CFAP47: variants seen among roughly 807,000 people sequenced by gnomAD.
CFAP47 encodes cilia and flagella associated protein 47.
CFAP47 carries 29 observed loss-of-function variants against 148.1 expected under a neutral mutation model. The observed-to-expected ratio is 0.20, with a 90% CI of 0.15 to 0.27. The LOEUF (loss-of-function observed/expected upper bound fraction) is 0.27. Ranked by LOEUF, CFAP47 falls within the 10% of genes least tolerant of loss-of-function variation. The pLI is 1.00. For missense variants in CFAP47, 1,872 were observed against 1,697.5 expected (o/e 1.10, Z -1.81); for synonymous variants, 664 against 577.3 (o/e 1.15, Z -2.15).
chrX:35,953,519 G>T, intron 6 of CFAP47, 73 bp from the exon 7 acceptor site: 1 of 772,107 alleles, frequency 1.3e-6, no homozygotes, highest in South Asian at 3.4e-5. Context: ...AGATTGGATT[G>T]ATATTTCCTC....
chrX:36,052,239 A>G (rs1243049722), intron 26 of CFAP47, among the ~76,000 whole-genome samples: 9 of 112,048 alleles, frequency 8.0e-5, no homozygotes, highest in African/African-American at 2.3e-4. Context: ...ACTCAAAGCC[A>G]ATAAAAATTG....
chrX:36,255,113 A>G (rs1940734776), intron 49 of CFAP47, among the ~76,000 whole-genome samples: 1 of 111,997 alleles, frequency 8.9e-6, no homozygotes, highest in Admixed American at 9.5e-5. Flanking sequence ...CTGTTTGGCC[A>G]TGGAACCAAA....
chrX:35,975,995 T>C, intron 15 of CFAP47, 82 bp downstream of exon 15: 9 of 948,315 alleles, frequency 9.5e-6, no homozygotes, highest in Non-Finnish European at 1.3e-5. Context: ...TTATTGAGTG[T>C]GTACTGTGTA....
chrX:36,006,264 T>A (rs957028175), intron 21 of CFAP47, among the ~76,000 whole-genome samples: 2 of 110,827 alleles, frequency 1.8e-5, no homozygotes, highest in Admixed American at 9.7e-5. Flanking sequence ...TTAAAATTAA[T>A]TATATATATT....
At chrX:35,923,866 C>T (rs1207801632) in intron 1 of CFAP47, among the ~76,000 whole-genome samples, 2 of 92,022 alleles carry the variant, frequency 2.2e-5, no homozygotes, top group Admixed American at 2.4e-4. Flanking sequence ...TATATATGTA[C>T]ATATATGTAT....
intron 22 of CFAP47, among the ~76,000 whole-genome samples, chrX:36,022,832 GTTAATCTTA>G (rs1163925931): frequency 9.0e-6 from 1 of 111,176 alleles, no homozygotes; most frequent in Admixed American, 9.6e-5. Context: ...CCGTCTCTTT[GTTAATCTTA>G]TCTATAGAAT....
At chrX:36,181,579 T>C (rs983613709) in intron 40 of CFAP47, among the ~76,000 whole-genome samples, 1 of 111,706 alleles carries the variant, frequency 9.0e-6, no homozygotes, top group Non-Finnish European at 1.9e-5. Flanking sequence ...TATACTTCCT[T>C]AGTTCTTCTC....
chrX:36,372,788 T>C (rs1172451850), intron 62 of CFAP47, among the ~76,000 whole-genome samples: 12 of 112,157 alleles, frequency 1.1e-4, no homozygotes, highest in African/African-American at 3.9e-4. Flanking sequence ...AGTATAGATA[T>C]TGAGGTTTCC....
At chrX:36,096,009 A>T (rs1938269944) in intron 30 of CFAP47, among the ~76,000 whole-genome samples, 1 of 110,958 alleles carries the variant, frequency 9.0e-6, no homozygotes, top group East Asian at 2.8e-4. Context: ...CTTCCCTCTT[A>T]GTACTGCTTT....
intron 35 of CFAP47, 75 bp downstream of exon 35, chrX:36,138,539 G>T: frequency 9.8e-7 from 1 of 1,022,231 alleles, no homozygotes; most frequent in Non-Finnish European, 1.3e-6. Flanking sequence ...TTATAATATT[G>T]CTTTGTTCAT....
chrX:35,924,039 ATG>A (rs200552311), intron 1 of CFAP47, among the ~76,000 whole-genome samples: 2 of 95,451 alleles, frequency 2.1e-5, no homozygotes, highest in Non-Finnish European at 4.0e-5. Flanking sequence ...ATGCACATAT[ATG>A]TGTATATGTA....
chrX:36,011,138 T>C (rs1244463288), intron 21 of CFAP47, among the ~76,000 whole-genome samples: 1 of 112,191 alleles, frequency 8.9e-6, no homozygotes, highest in Non-Finnish European at 1.9e-5. Flanking sequence ...GAAGTGTCTG[T>C]TCCTTTAGCT....
At chrX:36,170,731 A>C (rs754308347) in intron 39 of CFAP47, among the ~76,000 whole-genome samples, 2 of 107,047 alleles carry the variant, frequency 1.9e-5, no homozygotes, top group East Asian at 5.8e-4. Flanking sequence ...AGTCTTTGCT[A>C]TTGTGAATAA....
chrX:35,948,296 T>C lies in CFAP47; in HGVS notation c.518-18T>C. On this transcript the variant is annotated intron_variant, in intron 3 of 63. Coordinates refer to ENST00000378653, the MANE Select transcript of CFAP47 (RefSeq NM_001304548.2). The stretch of plus-strand genomic sequence containing the variant: ...TGTAAGGGTCCAGATGTAAATCAAC[T>C]GCTCTTATTCCCTATAGGCATATTT... 8.4e-7 allele frequency: 1 copy of C among 1,186,810 alleles called. No homozygotes were observed. Among genetic ancestry groups the C allele is most frequent in the Non-Finnish European group, 1.1e-6 (1 of 877,635 alleles).
At chrX:36,117,428 CT>C (rs1938660887) in intron 33 of CFAP47, among the ~76,000 whole-genome samples, 1 of 111,972 alleles carries the variant, frequency 8.9e-6, no homozygotes, top group Admixed American at 9.5e-5. Flanking sequence ...TAGAATCTGA[CT>C]TTTGGATAAA....
In CFAP47 at chrX:35,973,853, C is replaced by T. The variant is rs187469411; in HGVS notation, c.2255-1294C>T. 4.1e-4 allele frequency among the ~76,000 whole-genome samples: 46 copies of T among 112,562 alleles called. No homozygotes were observed. In the East Asian group the frequency reaches 0.013, roughly 32 times the overall value. ...TGTTTAGAAAGTTTTAGTGAAAACA[C>T]TTCATCCCTAAGATGAGTATGCTGC... On this transcript the variant is annotated intron_variant, in intron 13 of 63. Coordinates refer to ENST00000378653, the MANE Select transcript of CFAP47 (RefSeq NM_001304548.2).
At chrX:36,120,677 TTA>T (rs1938726679) in intron 33 of CFAP47, among the ~76,000 whole-genome samples, 1 of 112,091 alleles carries the variant, frequency 8.9e-6, no homozygotes, top group Non-Finnish European at 1.9e-5. Flanking sequence ...TTTCCAAAAT[TTA>T]TCTCATTATT....
chrX:35,956,093 T>C lies in CFAP47; in HGVS notation c.1307T>C (p.Ile436Thr). The C allele has an allele frequency of 8.3e-7, 1 of 1,211,316 alleles. No homozygotes were observed. The highest frequency in any genetic ancestry group is 1.1e-6 in the Non-Finnish European group (1 of 895,192). ...GAACGTTCAGAAATTCAGTGCATCA[T>C]AAAAAATCAATGCGAATTACTTCCT... is the stretch of plus-strand genomic sequence containing the variant. ...MGERSEIQCI[I>T]KNQCELLPVT... The change falls in exon 8 of 64, where the codon ATA (isoleucine) becomes ACA (threonine). Residue 436 changes from isoleucine to threonine, a missense_variant. Transcript: ENST00000378653.
At chrX:36,171,677 A>T (rs942604085) in intron 39 of CFAP47, among the ~76,000 whole-genome samples, 3 of 111,723 alleles carry the variant, frequency 2.7e-5, no homozygotes, top group Non-Finnish European at 5.6e-5. Flanking sequence ...TGGTACCAGT[A>T]CCATACTGTT....
Sources: gnomAD v4.1 joint callset for allele counts (sites outside exome capture counted in the v4.1 genomes callset) on GRCh38, gnomAD v4.1.1 for gene constraint, MANE v1.5 for transcripts, NCBI Gene and HGNC (gene_info 2026-07-23, HGNC 2026-07-21) for gene names.